The following HDGFL3 variants were observed in gnomAD, a reference collection of about 807,000 sequenced individuals.
HDGFL3 encodes HDGF like 3, also known as hepatoma-derived growth factor-related protein 3.
Under a neutral mutation model 27.6 loss-of-function variants are expected in HDGFL3, and 6 were observed. The observed-to-expected ratio is 0.22, with a 90% CI of 0.12 to 0.43. HDGFL3 has a LOEUF of 0.43. HDGFL3 is among the 20% of genes least tolerant of loss of function. The pLI, the probability that HDGFL3 is intolerant of heterozygous loss-of-function variation, is 1.00. For missense variants in HDGFL3, 207 were observed against 250.1 expected, an observed-to-expected ratio of 0.83 and a Z score of 1.16; for synonymous variants, 88 against 88.9, an observed-to-expected ratio of 0.99 and a Z score of 0.05.
At chr15:83,164,367 C>CAAAAAAAAAAAAATAA (rs2037138958) in intron 1 of HDGFL3, among the ~76,000 whole-genome samples, 1 of 38,380 alleles carries the variant, frequency 2.6e-5, no homozygotes. Flanking sequence ...TTAGAGTAAC[C>CAAAAAAAAAAAAATAA]AAAAAAAAAA....
intron 3 of HDGFL3, chr15:83,121,895 A>G: frequency 6.4e-7 from 1 of 1,562,268 alleles, no homozygotes; most frequent in Non-Finnish European, 8.7e-7. Context: ...TACCAAGTCA[A>G]GATTTTTTTG....
At chr15:83,140,512 C>A (rs1437179702) in intron 5 of HDGFL3, among the ~76,000 whole-genome samples, 1 of 135,354 alleles carries the variant, frequency 7.4e-6, no homozygotes, top group Admixed American at 8.1e-5. Flanking sequence ...GACAGAGTCT[C>A]GCTCTGTCAC....
intron 1 of HDGFL3, among the ~76,000 whole-genome samples, chr15:83,168,258 C>T (rs1035252486): frequency 6.6e-6 from 1 of 151,934 alleles, no homozygotes; most frequent in African/African-American, 2.4e-5. Flanking sequence ...ACTAGAAAAA[C>T]AAGAACAAAC....
At chr15:83,118,079 A>G (rs1185043494) in intron 3 of HDGFL3, among the ~76,000 whole-genome samples, 4 of 152,222 alleles carry the variant, frequency 2.6e-5, no homozygotes, top group Non-Finnish European at 4.4e-5. Context: ...TAGAGAGGCC[A>G]TGGCTGGCCT....
chr15:83,139,292 A>G lies in HDGFL3; in HGVS notation c.607-17T>C, dbSNP rs77065561. The G allele has an allele frequency of 2.8e-6, 4 of 1,405,256 alleles. No individual in the cohort carries two copies. Among genetic ancestry groups the G allele is most frequent in the South Asian group, 1.4e-5 (1 of 69,492 alleles). The allele number at this position is 1,405,256 out of a possible 1,614,324, so 87.0% of individuals were successfully genotyped here. ...TAGTTAGGTCTGTAAAAAAAAAAAAAAGAAAGAAAACAAGCCTTTAGATGA... is the reference window on the plus strand; with the variant it reads ...TAGTTAGGTCTGTAAAAAAAAAAAAGAGAAAGAAAACAAGCCTTTAGATGA... On this transcript the variant is annotated splice_polypyrimidine_tract_variant and intron_variant, in intron 5 of 5. Transcript: ENST00000299633.
At position 83,128,967 on chromosome 15, in the gene HDGFL3, A is replaced by C. The variant is rs2036004596; in HGVS notation, c.*10303T>G. 1 of 152,166 alleles carries C rather than the reference A, an allele frequency of 6.6e-6. No homozygotes were observed. Among genetic ancestry groups the C allele is most frequent in the South Asian group, 2.1e-4 (1 of 4,828 alleles). 9.4% of individuals were successfully genotyped at this position (152,166 alleles called of 1,614,324 possible). A position where few individuals can be genotyped will look rare whatever the true frequency, so the allele number is the denominator to read the frequency against. The stretch of plus-strand genomic sequence containing the variant: ...TGCCTCTGTCTCCAGAGTAGCTGGG[A>C]CTACAGACATACACCACCGCACACA... On this transcript the variant is annotated 3_prime_UTR_variant, in exon 6 of 6. Transcript: ENST00000299633.
At position 83,150,796 on chromosome 15, in the gene HDGFL3, C is replaced by T. The variant is rs187181160; in HGVS notation, c.606+419G>A. On this transcript the variant is annotated intron_variant, in intron 5 of 5. Transcript: ENST00000299633. ...CAAACATTGCTTGCATATTTAAAGT[C>T]CTCATGGGTACAATGAATTACACAC... Among the ~76,000 whole-genome samples the T allele has an allele frequency of 6.1e-3, 929 of 152,142 alleles. 11 individuals are homozygous for T. The highest frequency in any genetic ancestry group is 6.1e-3 in the Non-Finnish European group (412 of 67,996).
chr15:83,192,002 T>G (rs1326863783), intron 1 of HDGFL3, among the ~76,000 whole-genome samples: 1 of 147,880 alleles, frequency 6.8e-6, no homozygotes, highest in Non-Finnish European at 1.5e-5. Flanking sequence ...AATGCAATAG[T>G]GCAATCCCAG....
intron 1 of HDGFL3, among the ~76,000 whole-genome samples, chr15:83,179,496 G>A (rs991779678): frequency 3.3e-5 from 5 of 152,192 alleles, no homozygotes; most frequent in Admixed American, 2.0e-4. Context: ...CATTGTAGGA[G>A]TCCAGATGGT....
At chr15:83,156,633 C>A (rs1185625734) in intron 4 of HDGFL3, among the ~76,000 whole-genome samples, 1 of 152,158 alleles carries the variant, frequency 6.6e-6, no homozygotes, top group Admixed American at 6.5e-5. Flanking sequence ...GTAGGCTGTA[C>A]CACCTACATT....
intron 2 of HDGFL3, among the ~76,000 whole-genome samples, chr15:83,158,290 A>G (rs896624910): frequency 1.3e-5 from 2 of 152,240 alleles, no homozygotes; most frequent in African/African-American, 4.8e-5. Flanking sequence ...TAAATTATCA[A>G]TATCTTCATT....
At position 83,129,745 on chromosome 15, in the gene HDGFL3, G is replaced by A. The variant is rs1044732272; in HGVS notation, c.*9525C>T. The A allele has an allele frequency of 6.6e-6, 1 of 152,374 alleles. No individual in the cohort carries two copies. The highest frequency in any genetic ancestry group is 1.5e-5 in the Non-Finnish European group (1 of 68,170). 9.4% of individuals were successfully genotyped at this position (152,374 alleles called of 1,614,324 possible). On this transcript the variant is annotated 3_prime_UTR_variant, in exon 6 of 6. Transcript: ENST00000299633. ...TGTGGGTGGAAGGCAGTGACATTCC[G>A]AGTTGGACTCTGAGGGCCAAGTGGG...
downstream of HDGFL3, among the ~76,000 whole-genome samples, chr15:83,125,392 A>G (rs1394167624): frequency 6.6e-6 from 1 of 152,226 alleles, no homozygotes; most frequent in Admixed American, 6.5e-5. Context: ...CAGGCTTTGT[A>G]GTTAGAATCC....
intron 1 of HDGFL3, among the ~76,000 whole-genome samples, chr15:83,177,560 A>G (rs1390131193): frequency 6.6e-6 from 1 of 152,218 alleles, no homozygotes; most frequent in Non-Finnish European, 1.5e-5. Flanking sequence ...AGTTTGTTAG[A>G]TTAAACATCA....
At chr15:83,172,500 T>C (rs1291644387) in intron 1 of HDGFL3, among the ~76,000 whole-genome samples, 1 of 152,050 alleles carries the variant, frequency 6.6e-6, no homozygotes, top group African/African-American at 2.4e-5. Flanking sequence ...TTTATATATG[T>C]ATTATATATT....
chr15:83,141,122 A>G (rs1277022627), intron 5 of HDGFL3, among the ~76,000 whole-genome samples: 1 of 152,198 alleles, frequency 6.6e-6, no homozygotes, highest in East Asian at 1.9e-4. Context: ...GCATCTTGCT[A>G]ATTCATCATG....
At chr15:83,195,801 G>A (rs1409827392) in intron 1 of HDGFL3, among the ~76,000 whole-genome samples, 11 of 151,882 alleles carry the variant, frequency 7.2e-5, no homozygotes. Flanking sequence ...TCCTAGGAAT[G>A]GTTAAAAAAA....
rs2036700508 is a variant in HDGFL3, at chr15:83,138,492, T to C, written c.*778A>G. The stretch of plus-strand genomic sequence containing the variant: ...TTAAAAGTCTACATTTAAAAGTCAA[T>C]GCTTTGTCTGGTTTCCCATAGGGCT... On this transcript the variant is annotated 3_prime_UTR_variant, in exon 6 of 6. Coordinates refer to ENST00000299633, the MANE Select transcript of HDGFL3 (RefSeq NM_016073.4). The C allele has an allele frequency of 6.6e-6, 1 of 152,612 alleles. No homozygotes were observed. The highest frequency in any genetic ancestry group is 2.4e-5 in the African/African-American group (1 of 41,466). The allele number at this position is 152,612 out of a possible 1,614,324, so 9.5% of individuals were successfully genotyped here.
chr15:83,116,521 C>G lies in HDGFL3; in HGVS notation c.394-780G>C, dbSNP rs1185115798. 2.6e-5 allele frequency among the ~76,000 whole-genome samples: 4 copies of G among 152,230 alleles called. No homozygotes were observed. The East Asian group carries it at 7.7e-4, about 29-fold the overall frequency. ...TGAGGAAAAGGGCTCAAAGCAGATT[C>G]TTCATCCATGTTCAGATAATGGGGA... On this transcript the variant is annotated intron_variant, in intron 3 of 3. Coordinates refer to the HDGFL3 transcript ENST00000568294.
Sources: allele counts gnomAD v4.1 joint callset (sites outside exome capture counted in the v4.1 genomes callset), GRCh38; gene constraint gnomAD v4.1.1; transcripts MANE v1.5; gene names NCBI Gene and HGNC (gene_info 2026-07-23, HGNC 2026-07-21).